FLI1: variants seen among roughly 807,000 people sequenced by gnomAD.
FLI1 encodes the protein Friend leukemia integration 1 transcription factor.
FLI1 carries 13 observed loss-of-function variants against 53.1 expected under a neutral mutation model. The ratio of observed to expected loss-of-function variants is 0.24; its 90% confidence interval spans 0.16 to 0.39. FLI1 has a LOEUF of 0.39. Among genes scored for constraint, FLI1 ranks in the 10% least tolerant of loss-of-function variants. FLI1 has a pLI of 1.00. For missense variants in FLI1, 424 were observed against 600.5 expected (o/e 0.71, Z 3.07); for synonymous variants, 244 against 236.7 (o/e 1.03, Z -0.28).
chr11:128,764,261 C>G (rs7124123), intron 2 of FLI1, among the ~76,000 whole-genome samples: 20,693 of 152,258 alleles, frequency 0.14, 4,403 homozygotes, highest in African/African-American at 0.46. Context: ...TGGCCTAACA[C>G]ATTGCAAAGC....
At chr11:128,787,789 T>C (rs1355785239) in intron 5 of FLI1, among the ~76,000 whole-genome samples, 2 of 148,772 alleles carry the variant, frequency 1.3e-5, no homozygotes, top group African/African-American at 5.0e-5. Flanking sequence ...TTAACATTAT[T>C]ATTGAAAGCT....
At chr11:128,802,000 T>A in intron 5 of FLI1, among the ~76,000 whole-genome samples, 1 of 152,198 alleles carries the variant, frequency 6.6e-6, no homozygotes, top group Non-Finnish European at 1.5e-5. Flanking sequence ...GGAATTAATG[T>A]GGATTTGGAA....
chr11:128,705,409 T>C (rs1169567853), intron 1 of FLI1, among the ~76,000 whole-genome samples: 1 of 152,264 alleles, frequency 6.6e-6, no homozygotes, highest in South Asian at 2.1e-4. Flanking sequence ...GGCATATTCT[T>C]TGACCTGCCA....
intron 5 of FLI1, among the ~76,000 whole-genome samples, chr11:128,794,428 A>G (rs1942369855): frequency 6.6e-6 from 1 of 152,208 alleles, no homozygotes; most frequent in Non-Finnish European, 1.5e-5. Flanking sequence ...TTGTTTCACC[A>G]AATTCTCATC....
rs115284629 is a variant in FLI1 at position 128,720,428 on chromosome 11, C to T, written c.18+26152C>T. Among the ~76,000 whole-genome samples, 949 of 152,250 alleles carry T rather than the reference C, an allele frequency of 6.2e-3. 5 individuals carry two copies. Among genetic ancestry groups the T allele is most frequent in the African/African-American group, 0.018 (756 of 41,528 alleles). On this transcript the variant is annotated intron_variant, in intron 1 of 8. Coordinates refer to ENST00000527786, the MANE Select transcript of FLI1 (RefSeq NM_002017.5). Reference sequence around the variant, plus strand: ...AGTATAGGCTCTAAAAAGGAGCCCACGTGAAATGCTGAAAAGACGATGTTT... The same window carrying T: ...AGTATAGGCTCTAAAAAGGAGCCCATGTGAAATGCTGAAAAGACGATGTTT...
intron 1 of FLI1, among the ~76,000 whole-genome samples, chr11:128,697,019 G>T (rs1451390661): frequency 6.6e-6 from 1 of 152,082 alleles, no homozygotes; most frequent in East Asian, 1.9e-4. Context: ...CTCCTGGAAA[G>T]GCTCTGACCG....
rs1941105623 is a variant in FLI1, at chr11:128,761,172, C to A, written c.230+2846C>A. Among the ~76,000 whole-genome samples, 6 of 152,200 alleles carry A rather than the reference C, an allele frequency of 3.9e-5. No individual in the cohort carries two copies. The South Asian group carries it at 1.2e-3, about 31-fold the overall frequency. On this transcript the variant is annotated intron_variant, in intron 2 of 8. Coordinates refer to ENST00000527786, the MANE Select transcript of FLI1 (RefSeq NM_002017.5). The stretch of plus-strand genomic sequence containing the variant: ...AAGACTCTAGCTGCTGCTCCTAGAC[C>A]CCCAGGCACCCTCGTGCCTCAGAAT...
intron 2 of FLI1, among the ~76,000 whole-genome samples, chr11:128,759,604 G>A (rs894564589): frequency 1.3e-5 from 2 of 152,230 alleles, no homozygotes; most frequent in East Asian, 1.9e-4. Context: ...AATGAAGGGG[G>A]TGCATGACAG....
intron 1 of FLI1, among the ~76,000 whole-genome samples, chr11:128,747,621 G>A (rs970015921): frequency 6.6e-6 from 1 of 152,204 alleles, no homozygotes; most frequent in Non-Finnish European, 1.5e-5. Context: ...GCTTTGCTTT[G>A]CGCTGTCCCT....
intron 1 of FLI1, among the ~76,000 whole-genome samples, chr11:128,742,556 T>C (rs1940185248): frequency 6.6e-6 from 1 of 152,200 alleles, no homozygotes; most frequent in Non-Finnish European, 1.5e-5. Context: ...CTTTTTAAAT[T>C]CAAATGAACT....
chr11:128,698,296 A>G (rs577656200), intron 1 of FLI1, among the ~76,000 whole-genome samples: 1 of 152,318 alleles, frequency 6.6e-6, no homozygotes, highest in African/African-American at 2.4e-5. Flanking sequence ...ACCTGGATTC[A>G]CAAGAACTCC....
intron 1 of FLI1, among the ~76,000 whole-genome samples, chr11:128,732,645 G>C (rs1021320768): frequency 1.7e-4 from 26 of 152,330 alleles, no homozygotes; most frequent in Middle Eastern, 3.4e-3. Context: ...CCTGGGATTG[G>C]AGAAGTCAAG....
intron 4 of FLI1, among the ~76,000 whole-genome samples, chr11:128,778,008 C>A (rs573054977): frequency 1.3e-5 from 2 of 152,342 alleles, no homozygotes; most frequent in South Asian, 4.1e-4. Flanking sequence ...TGGATTCAAA[C>A]ATGGAATGGA....
intron 1 of FLI1, among the ~76,000 whole-genome samples, chr11:128,737,831 C>A (rs182089494): frequency 1.3e-5 from 2 of 152,160 alleles, no homozygotes; most frequent in Non-Finnish European, 2.9e-5. Context: ...GACAAATGCT[C>A]GGAGCTTATG....
intron 1 of FLI1, among the ~76,000 whole-genome samples, chr11:128,750,768 A>G (rs1215997716): frequency 2.0e-5 from 3 of 152,272 alleles, no homozygotes; most frequent in Non-Finnish European, 2.9e-5. Context: ...TAAGGAAAAC[A>G]AATGTTGGAA....
chr11:128,703,943 C>T (rs984551169), intron 1 of FLI1, among the ~76,000 whole-genome samples: 3 of 151,654 alleles, frequency 2.0e-5, no homozygotes, highest in Admixed American at 6.6e-5. Context: ...GTGCTGGTCC[C>T]GGTGACTTTA....
At chr11:128,740,281 GA>G (rs1044033785) in intron 1 of FLI1, among the ~76,000 whole-genome samples, 2 of 152,234 alleles carry the variant, frequency 1.3e-5, no homozygotes, top group African/African-American at 4.8e-5. Context: ...CCTGAAAGAG[GA>G]AATGTTGTCA....
chr11:128,769,128 G>A (rs984625720), intron 3 of FLI1, among the ~76,000 whole-genome samples: 1 of 152,206 alleles, frequency 6.6e-6, no homozygotes, highest in African/African-American at 2.4e-5. Context: ...TTTCCTAGGT[G>A]TTGGTGCTGT....
intron 2 of FLI1, among the ~76,000 whole-genome samples, chr11:128,762,985 C>T (rs970678963): frequency 6.6e-6 from 1 of 152,016 alleles, no homozygotes; most frequent in Admixed American, 6.6e-5. Context: ...GTAGTTCGCA[C>T]ATGTGGTTCC....
Sources: allele counts gnomAD v4.1 joint callset (sites outside exome capture counted in the v4.1 genomes callset), GRCh38; gene constraint gnomAD v4.1.1; transcripts MANE v1.5; gene names NCBI Gene and HGNC (gene_info 2026-07-23, HGNC 2026-07-21).